The following SBNO1 variants were observed in gnomAD, a reference collection of about 807,000 sequenced individuals.
SBNO1 encodes the protein strawberry notch homolog 1.
SBNO1 carries 23 observed loss-of-function variants against 173.6 expected under a neutral mutation model. That is an observed-to-expected ratio of 0.13 (90% confidence interval 0.10 to 0.19). The LOEUF is 0.19. Ranked by LOEUF, SBNO1 falls within the 10% of genes least tolerant of loss-of-function variation. The probability of loss-of-function intolerance (pLI) is 1.00; values close to 1 mark genes in which losing one functional copy is unlikely to be tolerated. For synonymous variants in SBNO1, 632 were observed against 571.5 expected (o/e 1.11, Z -1.51); for missense variants, 1,238 against 1,671.2 (o/e 0.74, Z 4.52).
At chr12:123,361,226 A>G (rs1289602428) in intron 1 of SBNO1, among the ~76,000 whole-genome samples, 1 of 150,840 alleles carries the variant, frequency 6.6e-6, no homozygotes, top group African/African-American at 2.4e-5. Context: ...CCTGGGCAAC[A>G]AAGTGAGACT....
rs1457648176 is a variant in SBNO1 at position 123,303,919 on chromosome 12, ATTC to A, written c.3768+660_3768+662del. Among the ~76,000 whole-genome samples, 11 of 109,092 alleles carry A rather than the reference ATTC, an allele frequency of 1.0e-4. No individual in the cohort carries two copies. The South Asian group carries it at 3.1e-3, about 31-fold the overall frequency. 71.6% of individuals were successfully genotyped at this position (109,092 alleles called of 152,430 possible). A position where few individuals can be genotyped will look rare whatever the true frequency, so the allele number is the denominator to read the frequency against. ...AATTTCAATATATTATAAAATAAGT[ATTC>A]TTTTTTTTTTTTTTTTTTTTTTGAG... On this transcript the variant is annotated intron_variant, in intron 29 of 31. Coordinates refer to ENST00000602398, the MANE Select transcript of SBNO1 (RefSeq NM_001167856.3).
intron 1 of SBNO1, among the ~76,000 whole-genome samples, chr12:123,363,272 C>G (rs1487659518): frequency 1.3e-5 from 2 of 152,110 alleles, no homozygotes; most frequent in East Asian, 3.9e-4. Context: ...CCACTCAAGT[C>G]ACCAGTAGGA....
At chr12:123,327,614 ACAG>A in intron 12 of SBNO1, 35 bp from the exon 13 acceptor site, 1 of 1,603,636 alleles carries the variant, frequency 6.2e-7, no homozygotes, top group Non-Finnish European at 8.5e-7. Context: ...AATTACCAAT[ACAG>A]TAGAATTTTA....
At chr12:123,299,210 T>A (rs1007083082) in intron 30 of SBNO1, among the ~76,000 whole-genome samples, 1 of 151,644 alleles carries the variant, frequency 6.6e-6, no homozygotes, top group Non-Finnish European at 1.5e-5. Flanking sequence ...CTATTAAAAA[T>A]ACAAAAAATT....
chr12:123,327,847 A>G (rs773555365), intron 11 of SBNO1, 35 bp from the exon 12 acceptor site: 5 of 1,599,216 alleles, frequency 3.1e-6, no homozygotes, highest in Non-Finnish European at 4.3e-6. Flanking sequence ...ATTATAGTTG[A>G]AAAAATAACC....
At position 123,364,782 on chromosome 12, in the gene SBNO1, G is replaced by GGCGGTGGCGGCGGCAGCA; in HGVS notation, c.-100_-83dup. 3.0e-6 allele frequency: 3 copies of GGCGGTGGCGGCGGCAGCA among 987,450 alleles called. No homozygotes were observed. The highest frequency in any genetic ancestry group is 3.6e-6 in the Non-Finnish European group (3 of 831,538). 61.2% of individuals were successfully genotyped at this position (987,450 alleles called of 1,614,324 possible). On this transcript the variant is annotated 5_prime_UTR_variant, in exon 1 of 32. Transcript: ENST00000602398. ...GACCAGAGGCGACTGGAGCGGAGGC[G>GGCGGTGGCGGCGGCAGCA]GCGGTGGCGGCGGCAGCAGCGGCGT...
intron 9 of SBNO1, 148 bp downstream of exon 9, chr12:123,330,271 A>G (rs1871064594): frequency 4.9e-6 from 3 of 617,204 alleles, no homozygotes; most frequent in Non-Finnish European, 8.6e-6. Context: ...ACAAACCAAC[A>G]ATAGTGGCTA....
rs115955712 is a variant in SBNO1 at position 123,301,514 on chromosome 12, G to T, written c.3845+1310C>A. Among the ~76,000 whole-genome samples the T allele has an allele frequency of 6.5e-3, 995 of 152,242 alleles. 11 individuals are homozygous for T. Among genetic ancestry groups the T allele is most frequent in the African/African-American group, 0.023 (943 of 41,536 alleles). On this transcript the variant is annotated intron_variant, in intron 30 of 31. Coordinates refer to ENST00000602398, the MANE Select transcript of SBNO1 (RefSeq NM_001167856.3). ...CTTTTCATGAAGTGGGCCAGATACT[G>T]TAAGAGCATTAACTACTTAATGAGG...
intron 4 of SBNO1, among the ~76,000 whole-genome samples, chr12:123,342,175 G>A (rs968782723): frequency 6.6e-6 from 1 of 151,858 alleles, no homozygotes; most frequent in African/African-American, 2.4e-5. Context: ...GCTTGAACCC[G>A]GGAGGCGGAG....
intron 30 of SBNO1, among the ~76,000 whole-genome samples, chr12:123,301,603 A>T (rs2048791283): frequency 3.3e-5 from 5 of 152,350 alleles, no homozygotes; most frequent in Middle Eastern, 3.4e-3. Flanking sequence ...TCACAAAGTG[A>T]ACACTGTAAG....
At chr12:123,347,991 C>A in intron 3 of SBNO1, 38 bp downstream of exon 3, 12 of 1,291,146 alleles carry the variant, frequency 9.3e-6, no homozygotes, top group Non-Finnish European at 1.3e-5. Context: ...CACTTCTAAA[C>A]TATTTTAGAA....
rs1213984398 is a variant in SBNO1, at chr12:123,356,913, T to C, written c.1-6472A>G. On this transcript the variant is annotated intron_variant, in intron 1 of 31. Transcript: ENST00000602398. ...TCACCTTAGCTAATAACAAAAAGGA[T>C]TTTTTTCTCCTTAGAGTGCTAAGCA... Among the ~76,000 whole-genome samples, 5 of 152,172 alleles carry C rather than the reference T, an allele frequency of 3.3e-5. No homozygotes were observed. The East Asian group carries it at 9.6e-4, about 29-fold the overall frequency.
chr12:123,336,314 T>C, intron 6 of SBNO1, 81 bp downstream of exon 6: 1 of 915,072 alleles, frequency 1.1e-6, no homozygotes, highest in Non-Finnish European at 1.7e-6. Context: ...TAAATTTATA[T>C]GGAAAAAAAC....
intron 21 of SBNO1, among the ~76,000 whole-genome samples, 200 bp downstream of exon 21, chr12:123,317,021 G>A (rs148194221): frequency 2.6e-5 from 4 of 152,064 alleles, no homozygotes; most frequent in South Asian, 4.2e-4. Flanking sequence ...TTCTTTTGGT[G>A]GAGAAAGGGT....
chr12:123,309,810 C>T lies in SBNO1; in HGVS notation c.3342G>A (p.Glu1114=). The T allele has an allele frequency of 6.2e-7, 1 of 1,610,350 alleles. No homozygotes were observed. Among genetic ancestry groups the T allele is most frequent in the South Asian group, 1.1e-5 (1 of 90,206 alleles). Residue 1114 remains glutamate, a synonymous_variant, in exon 26 of 32, where the codon GAG becomes GAA. Coordinates refer to ENST00000602398, the MANE Select transcript of SBNO1 (RefSeq NM_001167856.3). ...GAAATAACGCATTCTGCTGATGCAC[C>T]TCCATGCCTAAAATTCTATTTAAGA... ...GKFLNRILGM[E]VHQQNALFQY...
intron 24 of SBNO1, among the ~76,000 whole-genome samples, chr12:123,313,277 TAAAAA>T (rs989572020): frequency 6.7e-6 from 1 of 149,112 alleles, no homozygotes; most frequent in African/African-American, 2.4e-5. Context: ...GACTCGGTCT[TAAAAA>T]AAATAAAATA....
At chr12:123,350,178 T>C (rs1325682861) in intron 2 of SBNO1, 132 bp downstream of exon 2, 11 of 986,908 alleles carry the variant, frequency 1.1e-5, no homozygotes, top group Non-Finnish European at 1.5e-5. Flanking sequence ...GGTTTGAGCC[T>C]GGGAGGTTGA....
chr12:123,312,167 T>C (rs138438985), intron 24 of SBNO1, among the ~76,000 whole-genome samples: 47 of 151,578 alleles, frequency 3.1e-4, no homozygotes, highest in African/African-American at 1.1e-3. Flanking sequence ...CTCCACCTCC[T>C]AGGCTCAAGC....
chr12:123,297,558 C>T (rs924707896), intron 31 of SBNO1, among the ~76,000 whole-genome samples: 3 of 152,012 alleles, frequency 2.0e-5, no homozygotes, highest in Non-Finnish European at 2.9e-5. Context: ...GTTGAGCACA[C>T]GGTGAGAATA....
Sources: allele counts gnomAD v4.1 joint callset (sites outside exome capture counted in the v4.1 genomes callset), GRCh38; gene constraint gnomAD v4.1.1; transcripts MANE v1.5; gene names NCBI Gene and HGNC (gene_info 2026-07-23, HGNC 2026-07-21).